TCF4: variants seen among roughly 807,000 people sequenced by gnomAD.
TCF4 encodes transcription factor 4.
In TCF4, 3 loss-of-function variants were observed where a neutral mutation model predicts 82.1. The ratio of observed to expected loss-of-function variants is 0.04; its 90% CI spans 0.02 to 0.09. The LOEUF is 0.09. Among genes scored for constraint, TCF4 ranks in the 10% least tolerant of loss-of-function variants. The pLI, the probability that TCF4 is intolerant of heterozygous loss-of-function variation, is 1.00. For synonymous variants in TCF4, 276 were observed against 309.6 expected, an observed-to-expected ratio of 0.89 and a Z score of 1.14; for missense variants, 518 against 852.7, an observed-to-expected ratio of 0.61 and a Z score of 4.89.
At chr18:55,359,496 A>T (rs1019140160) in intron 6 of TCF4, among the ~76,000 whole-genome samples, 1 of 152,214 alleles carries the variant, frequency 6.6e-6, no homozygotes, top group African/African-American at 2.4e-5. Context: ...GGCATCCAAC[A>T]GGGTGGGCCC....
At chr18:55,634,338 T>C (rs1355460459) in intron 1 of TCF4, among the ~76,000 whole-genome samples, 1 of 152,208 alleles carries the variant, frequency 6.6e-6, no homozygotes, top group African/African-American at 2.4e-5. Context: ...TAGCTATTAA[T>C]GTCTCTGTTT....
chr18:55,446,545 G>A lies in TCF4; in HGVS notation c.304+14474C>T, dbSNP rs182231463. ...CCACTTACCAGCTACACAACACTGG[G>A]CAAATAACCTAATCTCTCTGATTCT... On this transcript the variant is annotated intron_variant, in intron 5 of 19. Transcript: ENST00000354452. Among the ~76,000 whole-genome samples the A allele has an allele frequency of 1.4e-3, 213 of 152,262 alleles. 1 individual carries two copies. The highest frequency in any genetic ancestry group is 5.0e-3 in the African/African-American group (207 of 41,530).
intron 5 of TCF4, among the ~76,000 whole-genome samples, chr18:55,449,638 C>G (rs184810977): frequency 6.6e-6 from 1 of 152,166 alleles, no homozygotes; most frequent in African/African-American, 2.4e-5. Flanking sequence ...GGAAAAGGCA[C>G]GGCCAGTCAG....
intron 5 of TCF4, among the ~76,000 whole-genome samples, chr18:55,440,213 A>AT (rs1234682391): frequency 6.6e-6 from 1 of 152,178 alleles, no homozygotes; most frequent in African/African-American, 2.4e-5. Flanking sequence ...AGTCTAACAA[A>AT]TTAACTAGAT....
chr18:55,301,649 C>T (rs2068312829), intron 8 of TCF4, among the ~76,000 whole-genome samples: 1 of 151,942 alleles, frequency 6.6e-6, no homozygotes, highest in Admixed American at 6.6e-5. Context: ...TAAATATTTT[C>T]CAGATGGGCC....
At chr18:55,506,933 G>A (rs2096767881) in intron 3 of TCF4, among the ~76,000 whole-genome samples, 2 of 151,302 alleles carry the variant, frequency 1.3e-5, no homozygotes, top group South Asian at 4.2e-4. Context: ...CACAATCTTG[G>A]CTCACTGCAA....
chr18:55,285,466 T>G (rs2063477799), intron 8 of TCF4, among the ~76,000 whole-genome samples: 1 of 152,244 alleles, frequency 6.6e-6, no homozygotes, highest in South Asian at 2.1e-4. Context: ...TTTTTAACAA[T>G]GGGTCTAGAA....
intron 12 of TCF4, 107 bp downstream of exon 12, chr18:55,261,359 A>G: frequency 1.4e-6 from 2 of 1,399,060 alleles, no homozygotes; most frequent in Non-Finnish European, 2.0e-6. Flanking sequence ...TTTTCCAAAA[A>G]TCAAAGCTAT....
At chr18:55,452,405 T>C (rs1603474924) in intron 5 of TCF4, 1 of 152,260 alleles carries the variant, frequency 6.6e-6, no homozygotes, top group Non-Finnish European at 1.5e-5. Flanking sequence ...ACATGGCAGG[T>C]TGCTGGAGGT....
intron 8 of TCF4, among the ~76,000 whole-genome samples, chr18:55,322,580 C>T (rs1395788138): frequency 6.6e-6 from 1 of 152,166 alleles, no homozygotes; most frequent in Non-Finnish European, 1.5e-5. Context: ...GCTCCGCGGG[C>T]CCCGGCCTCC....
intron 6 of TCF4, among the ~76,000 whole-genome samples, chr18:55,383,448 C>A (rs1481686406): frequency 6.6e-6 from 1 of 152,182 alleles, no homozygotes; most frequent in Non-Finnish European, 1.5e-5. Flanking sequence ...ATAGCAAGCA[C>A]CCCCATCCTG....
chr18:55,378,012 T>A (rs1417663828), intron 6 of TCF4, among the ~76,000 whole-genome samples: 1 of 152,240 alleles, frequency 6.6e-6, no homozygotes, highest in African/African-American at 2.4e-5. Flanking sequence ...TTCCTTTTAA[T>A]AAGTTAAAAG....
intron 2 of TCF4, among the ~76,000 whole-genome samples, chr18:55,609,330 G>A (rs554802354): frequency 6.6e-6 from 1 of 152,140 alleles, no homozygotes; most frequent in Non-Finnish European, 1.5e-5. Context: ...CGGGGGGCAG[G>A]TTTTTCATGA....
intron 1 of TCF4, among the ~76,000 whole-genome samples, chr18:55,631,563 A>G (rs1021671630): frequency 6.6e-6 from 1 of 151,678 alleles, no homozygotes; most frequent in African/African-American, 2.4e-5. Flanking sequence ...TGGTGAAAGG[A>G]ATCACTTCTA....
At chr18:55,273,077 G>A (rs951409431) in intron 10 of TCF4, among the ~76,000 whole-genome samples, 3 of 151,936 alleles carry the variant, frequency 2.0e-5, no homozygotes, top group Non-Finnish European at 4.4e-5. Flanking sequence ...AACTTTAACC[G>A]CAAACTCCAT....
chr18:55,243,822 A>G (rs2052148506), intron 15 of TCF4, among the ~76,000 whole-genome samples: 1 of 152,170 alleles, frequency 6.6e-6, no homozygotes, highest in Admixed American at 6.5e-5. Flanking sequence ...CAAATTTCAC[A>G]TGGTAAAGAG....
intron 3 of TCF4, among the ~76,000 whole-genome samples, chr18:55,536,477 T>A (rs187049754): frequency 8.9e-4 from 135 of 152,272 alleles, no homozygotes; most frequent in Admixed American, 1.8e-3. Context: ...CCTAGTGCCA[T>A]CCTAAAAGCA....
chr18:55,421,597 G>A (rs948656917), intron 5 of TCF4, among the ~76,000 whole-genome samples: 9 of 152,074 alleles, frequency 5.9e-5, no homozygotes, highest in African/African-American at 1.4e-4. Flanking sequence ...GCTTATAAAC[G>A]TTATAATTTA....
At chr18:55,628,002 G>A (rs1157712277) in intron 2 of TCF4, among the ~76,000 whole-genome samples, 1 of 152,190 alleles carries the variant, frequency 6.6e-6, no homozygotes, top group South Asian at 2.1e-4. Context: ...GGAGCTTGCA[G>A]TGAGCCATGA....
Sources: gnomAD v4.1 joint callset for allele counts (sites outside exome capture counted in the v4.1 genomes callset) on GRCh38, gnomAD v4.1.1 for gene constraint, MANE v1.5 for transcripts, NCBI Gene and HGNC (gene_info 2026-07-23, HGNC 2026-07-21) for gene names.